FAM151B: variants seen among roughly 807,000 people sequenced by gnomAD.
The protein encoded by FAM151B is protein FAM151B.
A neutral mutation model predicts 31.2 loss-of-function variants in FAM151B; 24 were observed. The observed-to-expected ratio is 0.77, with a 90% confidence interval of 0.56 to 1.08. The LOEUF is 1.08. Among genes scored for constraint, FAM151B ranks in the 50% least tolerant of loss-of-function variants. The pLI, the probability that FAM151B is intolerant of heterozygous loss-of-function variation, is 0.00. For missense variants in FAM151B, 293 were observed against 328.6 expected (o/e 0.89, Z 0.84); for synonymous variants, 105 against 111.4 (o/e 0.94, Z 0.36).
At chr5:80,488,295 C>A (rs1224045215) in intron 1 of FAM151B, 147 bp downstream of exon 1, 36 of 1,076,834 alleles carry the variant, frequency 3.3e-5, no homozygotes, top group Non-Finnish European at 4.6e-5. Flanking sequence ...GGGCTTGGAG[C>A]CCGCTCTGCA....
intron 1 of FAM151B, among the ~76,000 whole-genome samples, chr5:80,494,162 A>G (rs374635466): frequency 6.6e-6 from 1 of 152,206 alleles, no homozygotes; most frequent in Non-Finnish European, 1.5e-5. Flanking sequence ...CAGCCACAAC[A>G]TTCCCTTAAG....
At chr5:80,537,909 T>G (rs1745594381) in intron 5 of FAM151B, among the ~76,000 whole-genome samples, 1 of 142,672 alleles carries the variant, frequency 7.0e-6, no homozygotes, top group Non-Finnish European at 1.6e-5. Flanking sequence ...ATTCAAAAAC[T>G]TAATAGAATA....
intron 2 of FAM151B, among the ~76,000 whole-genome samples, chr5:80,509,112 T>C (rs890925064): frequency 6.6e-6 from 1 of 152,062 alleles, no homozygotes; most frequent in Non-Finnish European, 1.5e-5. Flanking sequence ...TAGCTGGGAC[T>C]ACAGGCGTGT....
At chr5:80,496,597 G>A (rs1743545151) in intron 1 of FAM151B, among the ~76,000 whole-genome samples, 2 of 152,000 alleles carry the variant, frequency 1.3e-5, no homozygotes, top group South Asian at 4.2e-4. Flanking sequence ...TACCAAGAGT[G>A]AATTCTAATG....
At chr5:80,510,679 A>AG (rs767525230) in intron 2 of FAM151B, 1 of 152,246 alleles carries the variant, frequency 6.6e-6, no homozygotes, top group Non-Finnish European at 1.5e-5. Context: ...GTGAATTTCA[A>AG]GTTGTTACCA....
chr5:80,504,182 A>G lies in FAM151B; in HGVS notation c.151+2265A>G, dbSNP rs150466769. ...CCTGTGATCTTTCTTGTCTCAGGAA[A>G]TGGCACCACAATCTACTTAGATGTT... On this transcript the variant is annotated intron_variant, in intron 2 of 5. Transcript: ENST00000282226. Among the ~76,000 whole-genome samples, 765 of 152,340 alleles carry G rather than the reference A, an allele frequency of 5.0e-3. 2 individuals are homozygous for G. The highest frequency in any genetic ancestry group is 7.9e-3 in the Non-Finnish European group (537 of 68,040).
rs1229369982 is a variant in FAM151B at position 80,541,749 on chromosome 5, G to A, written c.748G>A (p.Asp250Asn). The change falls in exon 6 of 6, where the codon GAC becomes AAC. Residue 250 changes from aspartate (D) to asparagine (N), a missense_variant. Coordinates refer to ENST00000282226, the MANE Select transcript of FAM151B (RefSeq NM_205548.3). Reference protein sequence around the residue: ...EDLLYIRDHFDKKQVFYDILE... With the variant: ...EDLLYIRDHFNKKQVFYDILE... The stretch of plus-strand genomic sequence containing the variant: ...TTTACTTTACATTAGAGACCATTTT[G>A]ACAAAAAACAAGTTTTCTATGACAT... 2.2e-5 allele frequency: 35 copies of A among 1,613,460 alleles called. No individual in the cohort carries two copies. The highest frequency in any genetic ancestry group is 2.9e-5 in the Non-Finnish European group (34 of 1,179,702).
intron 1 of FAM151B, among the ~76,000 whole-genome samples, chr5:80,490,550 A>C (rs367958504): frequency 6.6e-6 from 1 of 152,198 alleles, no homozygotes; most frequent in South Asian, 2.1e-4. Context: ...TTCACCTTAC[A>C]AAAAGAAACA....
chr5:80,488,324 T>A (rs998674199), intron 1 of FAM151B, among the ~76,000 whole-genome samples, 176 bp downstream of exon 1: 7 of 152,222 alleles, frequency 4.6e-5, no homozygotes, highest in Admixed American at 2.0e-4. Context: ...GCGCCCGCGA[T>A]CGCCTGGCAA....
intron 1 of FAM151B, among the ~76,000 whole-genome samples, chr5:80,492,856 A>G (rs958127337): frequency 3.9e-5 from 6 of 152,310 alleles, no homozygotes; most frequent in Middle Eastern, 3.4e-3. Context: ...TGGGATGCCC[A>G]GGCAGGAGGA....
chr5:80,492,153 A>G (rs974343008), intron 1 of FAM151B, among the ~76,000 whole-genome samples: 8 of 149,764 alleles, frequency 5.3e-5, no homozygotes, highest in African/African-American at 2.0e-4. Context: ...ACTTCACTTT[A>G]TTGTGCTTTG....
chr5:80,530,826 T>G (rs563534062), intron 5 of FAM151B, among the ~76,000 whole-genome samples: 14,534 of 152,126 alleles, frequency 0.096, 951 homozygotes, highest in African/African-American at 0.18. Context: ...GTAATTTATA[T>G]GTTCAATGCC....
At position 80,538,560 on chromosome 5, in the gene FAM151B, CCTTCCTTCCT is replaced by C. The variant is rs1337919397; in HGVS notation, c.672-3112_672-3103del. On this transcript the variant is annotated intron_variant, in intron 5 of 5. Transcript: ENST00000282226. The stretch of plus-strand genomic sequence containing the variant: ...TCCTTCCTTCCTTCCTTCCTTCCTT[CCTTCCTTCCT>C]TCCCTCCCTTCCTTTCCTCCTTTCT... Among the ~76,000 whole-genome samples the C allele has an allele frequency of 2.1e-4, 26 of 125,714 alleles. 1 individual carries two copies. The highest frequency in any genetic ancestry group is 2.8e-4 in the Non-Finnish European group (17 of 61,356). 82.5% of individuals were successfully genotyped at this position (125,714 alleles called of 152,430 possible).
intron 1 of FAM151B, chr5:80,500,322 C>T (rs1036286538): frequency 2.1e-5 from 17 of 825,884 alleles, no homozygotes; most frequent in South Asian, 8.1e-5. Flanking sequence ...CCTCTTTTTC[C>T]GGCTGGAACC....
intron 1 of FAM151B, chr5:80,501,295 C>T: frequency 1.8e-5 from 12 of 679,520 alleles, no homozygotes; most frequent in Non-Finnish European, 3.0e-5. Flanking sequence ...GCTGGGATTA[C>T]AGGCGTGAGC....
At chr5:80,496,365 G>A (rs982619369) in intron 1 of FAM151B, among the ~76,000 whole-genome samples, 2 of 152,196 alleles carry the variant, frequency 1.3e-5, no homozygotes, top group Admixed American at 6.5e-5. Flanking sequence ...TAGCAATAAA[G>A]TATTTTAAAA....
chr5:80,529,862 A>T (rs984315297), intron 5 of FAM151B, among the ~76,000 whole-genome samples: 2 of 152,230 alleles, frequency 1.3e-5, no homozygotes, highest in African/African-American at 4.8e-5. Flanking sequence ...ATAGAAAAAG[A>T]GGGAATCCTC....
At chr5:80,499,162 A>T (rs917596669) in intron 1 of FAM151B, among the ~76,000 whole-genome samples, 3 of 152,224 alleles carry the variant, frequency 2.0e-5, no homozygotes, top group African/African-American at 7.2e-5. Context: ...AACAAGGATT[A>T]GGGAGGTAAA....
intron 2 of FAM151B, among the ~76,000 whole-genome samples, chr5:80,508,456 T>TA (rs1261650648): frequency 1.3e-5 from 2 of 151,910 alleles, no homozygotes; most frequent in Admixed American, 1.3e-4. Context: ...TTTTTTTTTT[T>TA]AATTATAGCC....
Sources: allele counts gnomAD v4.1 joint callset (sites outside exome capture counted in the v4.1 genomes callset), GRCh38; gene constraint gnomAD v4.1.1; transcripts MANE v1.5; gene names NCBI Gene and HGNC (gene_info 2026-07-23, HGNC 2026-07-21).